BCAR3: variants seen among roughly 807,000 people sequenced by gnomAD.
The protein encoded by BCAR3 is breast cancer anti-estrogen resistance protein 3.
A neutral mutation model predicts 80.1 loss-of-function variants in BCAR3; 37 were observed. That is an observed-to-expected ratio of 0.46 (90% CI 0.36 to 0.61). The LOEUF is 0.61. Ranked by LOEUF, BCAR3 falls within the 20% of genes least tolerant of loss-of-function variation. The pLI is 0.00. For synonymous variants in BCAR3, 389 were observed against 418.9 expected (o/e 0.93, Z 0.87); for missense variants, 978 against 1,068.2 (o/e 0.92, Z 1.18).
intron 5 of BCAR3, chr1:93,585,052 A>G: frequency 2.0e-6 from 2 of 985,512 alleles, no homozygotes; most frequent in Non-Finnish European, 2.4e-6. Flanking sequence ...CCTTTCGAAG[A>G]TAAGACAAGA....
intron 1 of BCAR3, among the ~76,000 whole-genome samples, chr1:93,676,998 CT>C (rs1324759696): frequency 6.6e-6 from 1 of 152,208 alleles, no homozygotes; most frequent in East Asian, 1.9e-4. Context: ...TCAATTTATT[CT>C]CCAATAACAA....
intron 2 of BCAR3, among the ~76,000 whole-genome samples, chr1:93,810,018 T>C (rs1478161297): frequency 6.6e-6 from 1 of 150,994 alleles, no homozygotes; most frequent in African/African-American, 2.4e-5. Flanking sequence ...CTGGCCAAGA[T>C]AGCTCTACTA....
upstream of BCAR3, among the ~76,000 whole-genome samples, chr1:93,685,025 C>T (rs891955285): frequency 2.0e-5 from 3 of 152,168 alleles, no homozygotes; most frequent in African/African-American, 7.2e-5. Context: ...CCACTGTGCC[C>T]GACCTGAATC....
chr1:93,678,821 G>C (rs1648617196), intron 1 of BCAR3, among the ~76,000 whole-genome samples: 1 of 152,112 alleles, frequency 6.6e-6, no homozygotes, highest in Admixed American at 6.5e-5. Flanking sequence ...GTCTGAAGGG[G>C]GTTCCAGGCA....
chr1:93,567,788 A>G lies in BCAR3; in HGVS notation c.2038T>C (p.Tyr680His). ...RHQYTQTAIL[Y>H]EKQLKPFSKL... ...CTGAAGGGCTTCAGCTGTTTCTCAT[A>G]GAGAATGGCAGTTTGGGTGTACTGG... The change falls in exon 10 of 12, where the codon TAT becomes CAT. Residue 680 changes from tyrosine (Y) to histidine (H), a missense_variant. Physicochemically the swap from Tyr to His is moderately conservative, Grantham distance 83 (BLOSUM62 2). Coordinates refer to ENST00000260502, the MANE Select transcript of BCAR3 (RefSeq NM_003567.4). 6.2e-7 allele frequency: 1 copy of G among 1,614,224 alleles called. No homozygotes were observed. The highest frequency in any genetic ancestry group is 8.5e-7 in the Non-Finnish European group (1 of 1,180,032).
intron 2 of BCAR3, among the ~76,000 whole-genome samples, chr1:93,836,622 G>A (rs533928741): frequency 1.2e-4 from 18 of 151,606 alleles, no homozygotes; most frequent in East Asian, 9.7e-4. Flanking sequence ...AATTTTCACC[G>A]CCCCAACACT....
chr1:93,725,422 A>G (rs909532653), intron 2 of BCAR3, among the ~76,000 whole-genome samples: 1 of 152,012 alleles, frequency 6.6e-6, no homozygotes, highest in African/African-American at 2.4e-5. Context: ...TATTTATCAC[A>G]TATTTGTGTT....
At chr1:93,607,478 G>A (rs985967791) in intron 3 of BCAR3, among the ~76,000 whole-genome samples, 1 of 152,016 alleles carries the variant, frequency 6.6e-6, no homozygotes, top group African/African-American at 2.4e-5. Context: ...GGCTTCAGGG[G>A]CCCAGGGAGG....
intron 8 of BCAR3, among the ~76,000 whole-genome samples, chr1:93,572,614 G>T (rs1407950657): frequency 1.3e-5 from 2 of 152,208 alleles, no homozygotes; most frequent in African/African-American, 4.8e-5. Flanking sequence ...GTCTGCGGCA[G>T]AAAGCATAGA....
At chr1:93,816,343 G>T (rs1654014104) in intron 2 of BCAR3, among the ~76,000 whole-genome samples, 2 of 152,044 alleles carry the variant, frequency 1.3e-5, no homozygotes, top group Non-Finnish European at 2.9e-5. Flanking sequence ...TTATAGCTTT[G>T]CTTTCATTGG....
chr1:93,843,366 T>C (rs1231144867), intron 2 of BCAR3, among the ~76,000 whole-genome samples: 1 of 152,246 alleles, frequency 6.6e-6, no homozygotes, highest in Non-Finnish European at 1.5e-5. Flanking sequence ...TATTAAGAGC[T>C]ACTTACTAAT....
intron 3 of BCAR3, among the ~76,000 whole-genome samples, chr1:93,622,011 AC>A (rs1308931392): frequency 2.0e-5 from 3 of 152,184 alleles, no homozygotes; most frequent in Non-Finnish European, 4.4e-5. Flanking sequence ...AGCTGGGACT[AC>A]AGGCACCCGC....
intron 11 of BCAR3, 79 bp downstream of exon 11, chr1:93,567,200 A>G (rs1672986998): frequency 3.3e-6 from 5 of 1,520,258 alleles, no homozygotes; most frequent in Non-Finnish European, 4.5e-6. Flanking sequence ...TTTCTAAGTG[A>G]AGTCAGCCAT....
At chr1:93,609,072 G>A (rs371846355) in intron 3 of BCAR3, among the ~76,000 whole-genome samples, 49 of 152,218 alleles carry the variant, frequency 3.2e-4, no homozygotes, top group African/African-American at 8.4e-4. Context: ...CACACGCACC[G>A]CCACAGAAAG....
chr1:93,783,334 C>T (rs1652828025), intron 2 of BCAR3, among the ~76,000 whole-genome samples: 1 of 152,138 alleles, frequency 6.6e-6, no homozygotes, highest in South Asian at 2.1e-4. Flanking sequence ...GCTTCCTACT[C>T]CAGTCATAAA....
chr1:93,667,360 G>A (rs879704880), intron 2 of BCAR3, among the ~76,000 whole-genome samples: 1 of 152,164 alleles, frequency 6.6e-6, no homozygotes, highest in Non-Finnish European at 1.5e-5. Flanking sequence ...AGATTCTGTG[G>A]AGCCTTCATA....
intron 9 of BCAR3, among the ~76,000 whole-genome samples, chr1:93,568,919 C>T (rs1673089401): frequency 6.6e-6 from 1 of 152,186 alleles, no homozygotes; most frequent in Admixed American, 6.5e-5. Context: ...ACCTCCCAGG[C>T]TCAGTGATCT....
intron 3 of BCAR3, among the ~76,000 whole-genome samples, chr1:93,623,905 C>T (rs1675384786): frequency 6.6e-6 from 1 of 152,230 alleles, no homozygotes; most frequent in South Asian, 2.1e-4. Flanking sequence ...TATTATACAC[C>T]CATTAATAAT....
chr1:93,810,732 C>G (rs1270269369), intron 2 of BCAR3, among the ~76,000 whole-genome samples: 2 of 152,182 alleles, frequency 1.3e-5, no homozygotes, highest in African/African-American at 4.8e-5. Flanking sequence ...GTCCAAAGCT[C>G]TCTGGTCATT....
Sources: allele counts gnomAD v4.1 joint callset (sites outside exome capture counted in the v4.1 genomes callset), GRCh38; gene constraint gnomAD v4.1.1; transcripts MANE v1.5; gene names NCBI Gene and HGNC (gene_info 2026-07-23, HGNC 2026-07-21).